The following SPAG5 variants were observed in gnomAD, a reference collection of about 807,000 sequenced individuals.
SPAG5 encodes sperm associated antigen 5.
A neutral mutation model predicts 145.4 loss-of-function variants in SPAG5; 99 were observed. The ratio of observed to expected loss-of-function variants is 0.68; its 90% CI spans 0.58 to 0.80. The LOEUF (loss-of-function observed/expected upper bound fraction) is 0.80, where lower values mean the gene tolerates loss of function less well. Ranked by LOEUF, SPAG5 falls within the 30% of genes least tolerant of loss-of-function variation. The probability of loss-of-function intolerance (pLI) is 0.00; values close to 1 mark genes in which losing one functional copy is unlikely to be tolerated. For synonymous variants in SPAG5, 477 were observed against 525.4 expected (o/e 0.91, Z 1.26); for missense variants, 1,192 against 1,416.0 (o/e 0.84, Z 2.54).
intron 2 of SPAG5, among the ~76,000 whole-genome samples, chr17:28,594,726 G>C (rs1424492886): frequency 1.3e-5 from 2 of 152,184 alleles, no homozygotes; most frequent in Non-Finnish European, 2.9e-5. Flanking sequence ...CTGGGTATTA[G>C]TTACATGGAT....
chr17:28,595,262 A>C (rs1199358237), intron 2 of SPAG5, among the ~76,000 whole-genome samples: 1 of 151,558 alleles, frequency 6.6e-6, no homozygotes, highest in Non-Finnish European at 1.5e-5. Context: ...CTTCTCAAAA[A>C]AAAAAAAAAA....
chr17:28,583,218 G>T (rs912891197), intron 15 of SPAG5, among the ~76,000 whole-genome samples: 1 of 152,144 alleles, frequency 6.6e-6, no homozygotes, highest in African/African-American at 2.4e-5. Context: ...AATAGAAAAG[G>T]CATTTCCAGT....
Position 28,577,775 on chromosome 17 carries a change from G to C in SPAG5, c.3511-5C>G. 1.2e-6 allele frequency: 2 copies of C among 1,612,716 alleles called. No individual in the cohort carries two copies. Among genetic ancestry groups the C allele is most frequent in the Non-Finnish European group, 8.5e-7 (1 of 1,178,750 alleles). On this transcript the variant is annotated splice_region_variant and splice_polypyrimidine_tract_variant and intron_variant, in intron 23 of 23. Coordinates refer to ENST00000321765, the MANE Select transcript of SPAG5 (RefSeq NM_006461.4). ...CTCTGGAATAGAGAGCAGGGTCTGG[G>C]AAGAGAGGCAGAAAACGCAGCTCAG...
chr17:28,584,521 G>T, intron 11 of SPAG5, 41 bp from the exon 12 acceptor site: 9 of 1,612,708 alleles, frequency 5.6e-6, no homozygotes, highest in Non-Finnish European at 6.8e-6. Context: ...CGGTCAGCAG[G>T]CTAGAAACTC....
At chr17:28,578,856 G>A (rs2070527917) in intron 19 of SPAG5, 104 bp from the exon 20 acceptor site, 4 of 939,604 alleles carry the variant, frequency 4.3e-6, no homozygotes, top group South Asian at 1.3e-5. Context: ...GCCCACATGG[G>A]ACCAATTGAT....
chr17:28,586,515 G>A lies in SPAG5; in HGVS notation c.1438-16C>T. 1 of 1,599,834 alleles carries A rather than the reference G, an allele frequency of 6.3e-7. No homozygotes were observed. The highest frequency in any genetic ancestry group is 8.6e-7 in the Non-Finnish European group (1 of 1,167,180). On this transcript the variant is annotated splice_polypyrimidine_tract_variant and intron_variant, in intron 4 of 23. Coordinates refer to ENST00000321765, the MANE Select transcript of SPAG5 (RefSeq NM_006461.4). Reference sequence around the variant, plus strand: ...TATTAGTTATCTAGCCAGAAAAACAGAGTTGTTCCTTGTTTTGTTTGTTTG... The same window carrying A: ...TATTAGTTATCTAGCCAGAAAAACAAAGTTGTTCCTTGTTTTGTTTGTTTG...
At chr17:28,596,181 G>A (rs2070663642) in intron 2 of SPAG5, among the ~76,000 whole-genome samples, 1 of 151,936 alleles carries the variant, frequency 6.6e-6, no homozygotes, top group Admixed American at 6.6e-5. Flanking sequence ...CTCCAGCCTG[G>A]GCAACAGAGT....
At chr17:28,590,372 G>T (rs1273203575) in intron 4 of SPAG5, among the ~76,000 whole-genome samples, 1 of 152,010 alleles carries the variant, frequency 6.6e-6, no homozygotes, top group Non-Finnish European at 1.5e-5. Context: ...GGGACTACAG[G>T]CACACACCAC....
chr17:28,577,884 C>T, intron 23 of SPAG5, 114 bp from the exon 24 acceptor site: 1 of 1,202,054 alleles, frequency 8.3e-7, no homozygotes. Context: ...CACAGAGAAG[C>T]CTGCAATAGT....
At chr17:28,579,950 C>G in intron 16 of SPAG5, 59 bp downstream of exon 16, 1 of 1,514,166 alleles carries the variant, frequency 6.6e-7, no homozygotes, top group Non-Finnish European at 9.2e-7. Flanking sequence ...TCTTCAACAG[C>G]AGAAGATATC....
At position 28,592,127 on chromosome 17, in the gene SPAG5, C is replaced by T. The variant is rs1467413099; in HGVS notation, c.1117G>A (p.Ala373Thr). The T allele has an allele frequency of 6.2e-7, 1 of 1,614,136 alleles. No homozygotes were observed. Among genetic ancestry groups the T allele is most frequent in the Non-Finnish European group, 8.5e-7 (1 of 1,180,024 alleles). Residue 373 changes from alanine to threonine, a missense_variant, in exon 3 of 24, where the codon GCA becomes ACA. By Grantham distance (58) the Ala-to-Thr change is moderately conservative (BLOSUM62 0). Coordinates refer to ENST00000321765, the MANE Select transcript of SPAG5 (RefSeq NM_006461.4). ...GTAGAGAAAGGGGTAGTGCCAATTG[C>T]AGCATCCCGAAGCATCGAGGGAAGG... is the stretch of plus-strand genomic sequence containing the variant. ...LSLPSMLRDA[A>T]IGTTPFSTCS...
chr17:28,586,069 C>T, intron 6 of SPAG5, 21 bp downstream of exon 6: 1 of 1,613,556 alleles, frequency 6.2e-7, no homozygotes, highest in South Asian at 1.1e-5. Flanking sequence ...AGGCCTCCAC[C>T]TCCATCTTCA....
chr17:28,590,589 G>C (rs2070613477), intron 4 of SPAG5, among the ~76,000 whole-genome samples: 1 of 151,992 alleles, frequency 6.6e-6, no homozygotes, highest in Non-Finnish European at 1.5e-5. Context: ...AAACAACAGG[G>C]GCCAGGCGCA....
chr17:28,584,953 C>T (rs181476778), intron 10 of SPAG5, 149 bp downstream of exon 10: 241 of 788,838 alleles, frequency 3.1e-4, no homozygotes, highest in Admixed American at 1.6e-3. Flanking sequence ...GAAAAAACTG[C>T]GCTTAAGGCC....
At chr17:28,577,978 C>A in intron 23 of SPAG5, 32 bp downstream of exon 23, 1 of 1,565,932 alleles carries the variant, frequency 6.4e-7, no homozygotes, top group South Asian at 1.1e-5. Flanking sequence ...GTACCAGGTT[C>A]ATTAGTGATA....
rs1486129811 is a variant in SPAG5, at chr17:28,579,389, GCTT to G, written c.2978_2980del (p.Glu993del). 4 of 1,614,156 alleles carry G rather than the reference GCTT, an allele frequency of 2.5e-6. No individual in the cohort carries two copies. In the South Asian group the frequency reaches 3.3e-5, roughly 13 times the overall value. On this transcript the variant is annotated inframe_deletion, in exon 18 of 24. Transcript: ENST00000321765. ...CATTTTTCGCTGCAGAGTCCTGATG[GCTT>G]CTTCTTTAGACTCTTGTAGCAGGGA...
chr17:28,577,791 C>G, intron 23 of SPAG5, 21 bp from the exon 24 acceptor site: 1 of 1,603,086 alleles, frequency 6.2e-7, no homozygotes, highest in East Asian at 2.2e-5. Context: ...AGGCAGAAAA[C>G]GCAGCTCAGG....
At chr17:28,583,394 C>T (rs1209786073) in intron 15 of SPAG5, 117 bp downstream of exon 15, 5 of 1,148,928 alleles carry the variant, frequency 4.4e-6, no homozygotes, top group Non-Finnish European at 6.1e-6. Context: ...TAATGAGGTC[C>T]TGTAGGTAAC....
rs879221396 is a variant in SPAG5, at chr17:28,577,711, T to G, written c.3570A>C (p.Glu1190Asp). ...GGCTTTCAGTTTCTTAGCTCAGAAA[T>G]TCCAGCAATCCCTGTAGTTCTTTGC... ...RGCKELQGLL[E>D]FLS The change falls in exon 24 of 24, where the codon GAA (glutamate) becomes GAC (aspartate). Residue 1190 changes from glutamate (E) to aspartate (D), a missense_variant. Physicochemically the swap from Glu to Asp is conservative, Grantham distance 45 (BLOSUM62 2). Coordinates refer to ENST00000321765, the MANE Select transcript of SPAG5 (RefSeq NM_006461.4). The G allele has an allele frequency of 3.1e-6, 5 of 1,613,482 alleles. 1 individual carries two copies. The South Asian group carries it at 5.5e-5, about 18-fold the overall frequency.
Sources: gnomAD v4.1 joint callset for allele counts (sites outside exome capture counted in the v4.1 genomes callset) on GRCh38, gnomAD v4.1.1 for gene constraint, MANE v1.5 for transcripts, NCBI Gene and HGNC (gene_info 2026-07-23, HGNC 2026-07-21) for gene names.